The following NHS variants were observed in gnomAD, a reference collection of about 807,000 sequenced individuals.
NHS encodes actin remodeling regulator NHS.
Under a neutral mutation model 72.5 loss-of-function variants are expected in NHS, and 5 were observed. That is an observed-to-expected ratio of 0.07 (90% CI 0.04 to 0.14). NHS has a LOEUF of 0.14. NHS is among the 10% of genes least tolerant of loss of function. The pLI is 1.00. For missense variants in NHS, 1,072 were observed against 1,355.7 expected (o/e 0.79, Z 3.29); for synonymous variants, 464 against 547.7 (o/e 0.85, Z 2.13).
At chrX:17,723,770 T>TGTGTGTGC (rs541219770) in intron 5 of NHS, among the ~76,000 whole-genome samples, 1,296 of 91,182 alleles carry the variant, frequency 0.014, 19 homozygotes, top group African/African-American at 0.029. Flanking sequence ...TGTGTGTGTG[T>TGTGTGTGC]GCGCGCGCGT....
chrX:17,596,538 CAAGGTCA>C (rs2065624945), intron 1 of NHS, among the ~76,000 whole-genome samples: 1 of 111,660 alleles, frequency 9.0e-6, no homozygotes, highest in Admixed American at 9.5e-5. Context: ...AAGCATGAAC[CAAGGTCA>C]AAGGTTAAGG....
At chrX:17,456,601 G>A (rs972765644) in intron 1 of NHS, among the ~76,000 whole-genome samples, 2 of 112,342 alleles carry the variant, frequency 1.8e-5, no homozygotes, top group African/African-American at 3.2e-5. Context: ...TGAGCGCCGC[G>A]TTAAGACCTT....
intron 1 of NHS, among the ~76,000 whole-genome samples, chrX:17,513,834 G>A (rs2065103651): frequency 8.9e-6 from 1 of 112,425 alleles, no homozygotes; most frequent in Non-Finnish European, 1.9e-5. Flanking sequence ...ATTGAAGGAT[G>A]CAAAATATTC....
At chrX:17,383,377 A>G (rs1355747624) in intron 1 of NHS, among the ~76,000 whole-genome samples, 1 of 111,806 alleles carries the variant, frequency 8.9e-6, no homozygotes, top group African/African-American at 3.3e-5. Flanking sequence ...AGCCCCTCCC[A>G]GAACACTCTA....
At chrX:17,657,412 AC>A (rs77272804) in intron 1 of NHS, among the ~76,000 whole-genome samples, 1 of 91 alleles carries the variant, frequency 0.011, no homozygotes, top group East Asian at 0.5. Context: ...GGCAAAGATA[AC>A]GAGCATCTAA....
At chrX:17,718,238 G>A (rs1365052591) in intron 3 of NHS, among the ~76,000 whole-genome samples, 1 of 107,122 alleles carries the variant, frequency 9.3e-6, no homozygotes, top group East Asian at 3.0e-4. Flanking sequence ...ATAAGTGGTG[G>A]AGGCAGGATT....
intron 1 of NHS, among the ~76,000 whole-genome samples, chrX:17,459,999 G>C (rs2146895360): frequency 8.9e-6 from 1 of 112,034 alleles, no homozygotes; most frequent in African/African-American, 3.2e-5. Context: ...ACATATGGCT[G>C]GGTTTAGCAG....
intron 1 of NHS, among the ~76,000 whole-genome samples, chrX:17,673,410 G>A (rs186625887): frequency 9.0e-6 from 1 of 111,245 alleles, no homozygotes; most frequent in Non-Finnish European, 1.9e-5. Context: ...GAAGTGATGT[G>A]GGGCAGAAAG....
chrX:17,630,153 G>C (rs778858105), intron 1 of NHS, among the ~76,000 whole-genome samples: 8 of 98,627 alleles, frequency 8.1e-5, no homozygotes, highest in African/African-American at 3.0e-4. Flanking sequence ...TGATAACCCC[G>C]GTGGATGCAT....
chrX:17,495,382 T>A (rs1037411136), intron 1 of NHS, among the ~76,000 whole-genome samples: 5 of 112,466 alleles, frequency 4.4e-5, no homozygotes, highest in Non-Finnish European at 7.5e-5. Flanking sequence ...GAATCATTTT[T>A]ATAAAAATGT....
intron 1 of NHS, among the ~76,000 whole-genome samples, chrX:17,661,915 C>A (rs1171320895): frequency 8.9e-6 from 1 of 112,104 alleles, no homozygotes; most frequent in African/African-American, 3.2e-5. Context: ...CTTGCCTCAA[C>A]TCAGGACAAT....
At chrX:17,425,623 T>C (rs1446090144) in intron 1 of NHS, among the ~76,000 whole-genome samples, 1 of 102,550 alleles carries the variant, frequency 9.8e-6, no homozygotes, top group Non-Finnish European at 2.0e-5. Context: ...TTTACATGTT[T>C]TCCTTCCTGC....
At chrX:17,381,243 T>C (rs1231996332) in intron 1 of NHS, among the ~76,000 whole-genome samples, 3 of 112,058 alleles carry the variant, frequency 2.7e-5, no homozygotes, top group Non-Finnish European at 1.9e-5. Flanking sequence ...TTAATGTTGC[T>C]GGCATTTTGG....
intron 1 of NHS, among the ~76,000 whole-genome samples, chrX:17,448,267 A>G (rs1216989924): frequency 8.9e-6 from 1 of 112,303 alleles, no homozygotes; most frequent in Non-Finnish European, 1.9e-5. Flanking sequence ...TTCCCTTTAG[A>G]GCCAAGGACA....
chrX:17,375,949 T>A lies in NHS; in HGVS notation c.192T>A (p.Pro64=). ...AGCCAGCCCGCGCCGTCCCTGCACC[T>A]TCAGGGCTGCCACCGCCGCCGCCGC... ...PEEPARAVPA[P]SGLPPPPPPL... The change falls in exon 1 of 9, where the codon CCT becomes CCA. Residue 64 remains proline, a synonymous_variant. Transcript: ENST00000676302. The A allele has an allele frequency of 9.3e-7, 1 of 1,078,893 alleles. No homozygotes were observed. The highest frequency in any genetic ancestry group is 1.2e-6 in the Non-Finnish European group (1 of 835,694). The allele number at this position is 1,078,893 out of a possible 1,213,427, so 88.9% of individuals were successfully genotyped here.
At chrX:17,388,557 G>T (rs1265669798) in intron 1 of NHS, among the ~76,000 whole-genome samples, 1 of 109,970 alleles carries the variant, frequency 9.1e-6, no homozygotes, top group Non-Finnish European at 1.9e-5. Flanking sequence ...GTGTGATCCG[G>T]GGATGGCAAG....
intron 1 of NHS, among the ~76,000 whole-genome samples, chrX:17,565,427 C>T (rs1373474377): frequency 1.8e-5 from 2 of 112,485 alleles, no homozygotes; most frequent in Admixed American, 9.4e-5. Context: ...TTTTAAGTTA[C>T]TAGATTTTGG....
At position 17,519,691 on chromosome X, in the gene NHS, C is replaced by G. The variant is rs1020609476; in HGVS notation, c.565+143369C>G. ...GGGTGGCTATCAGATTAAAAGAGCT[C>G]TAATACCACTTGACCACTTGCTTCT... On this transcript the variant is annotated intron_variant, in intron 1 of 8. Transcript: ENST00000676302. 3.6e-5 allele frequency among the ~76,000 whole-genome samples: 4 copies of G among 111,542 alleles called. 1 individual carries two copies.
chrX:17,711,171 G>A (rs967276153), intron 3 of NHS, among the ~76,000 whole-genome samples: 2 of 112,244 alleles, frequency 1.8e-5, no homozygotes, highest in Non-Finnish European at 3.8e-5. Context: ...AACCTTTGAG[G>A]GTTGATGGAA....
Sources: gnomAD v4.1 joint callset for allele counts (sites outside exome capture counted in the v4.1 genomes callset) on GRCh38, gnomAD v4.1.1 for gene constraint, MANE v1.5 for transcripts, NCBI Gene and HGNC (gene_info 2026-07-23, HGNC 2026-07-21) for gene names.